RC3H1: variants seen among roughly 807,000 people sequenced by gnomAD.
The protein encoded by RC3H1 is roquin-1.
A neutral mutation model predicts 138.2 loss-of-function variants in RC3H1; 50 were observed. The observed-to-expected ratio is 0.36, with a 90% confidence interval of 0.29 to 0.46. RC3H1 has a LOEUF of 0.46. Ranked by LOEUF, RC3H1 falls within the 20% of genes least tolerant of loss-of-function variation. RC3H1 has a pLI of 1.00. For missense variants in RC3H1, 1,031 were observed against 1,388.1 expected, an observed-to-expected ratio of 0.74 and a Z score of 4.09; for synonymous variants, 462 against 489.1, an observed-to-expected ratio of 0.94 and a Z score of 0.73.
chr1:173,950,266 A>G (rs577454202), intron 14 of RC3H1, among the ~76,000 whole-genome samples: 12 of 152,140 alleles, frequency 7.9e-5, no homozygotes, highest in African/African-American at 2.9e-4. Context: ...ATATAAAACA[A>G]TATTGTTTAG....
In RC3H1 at chr1:173,964,832, G is replaced by A; in HGVS notation, c.1616+7C>T. 1 of 1,602,160 alleles carries A rather than the reference G, an allele frequency of 6.2e-7. No homozygotes were observed. Among genetic ancestry groups the A allele is most frequent in the Non-Finnish European group, 8.5e-7 (1 of 1,172,880 alleles). ...ATTTTGAAATAAGAGTTAGAAAAAT[G>A]ACGTACAGGTCAGGAGGGGATCCAG... On this transcript the variant is annotated splice_region_variant and intron_variant, in intron 10 of 19. Coordinates refer to ENST00000367696, the MANE Select transcript of RC3H1 (RefSeq NM_172071.4).
chr1:173,986,172 C>A (rs923848688), intron 2 of RC3H1, among the ~76,000 whole-genome samples: 1 of 152,072 alleles, frequency 6.6e-6, no homozygotes, highest in Non-Finnish European at 1.5e-5. Flanking sequence ...CAGGAGCAAG[C>A]CACCACACTC....
At chr1:173,965,163 A>C (rs1264257963) in intron 9 of RC3H1, 43 bp from the exon 10 acceptor site, 1 of 1,526,812 alleles carries the variant, frequency 6.5e-7, no homozygotes, top group South Asian at 1.2e-5. Context: ...CAAATATAAA[A>C]GCAAAACCAA....
intron 1 of RC3H1, among the ~76,000 whole-genome samples, chr1:174,010,598 T>C (rs1328088385): frequency 6.6e-6 from 1 of 151,996 alleles, no homozygotes; most frequent in Non-Finnish European, 1.5e-5. Flanking sequence ...ATTTTTTTTA[T>C]AGACGAGGTC....
chr1:173,983,991 T>G (rs745836870), intron 3 of RC3H1, among the ~76,000 whole-genome samples: 16 of 152,170 alleles, frequency 1.1e-4, no homozygotes, highest in Non-Finnish European at 2.2e-4. Context: ...TCCTAAGAGT[T>G]CTGGTATATT....
At chr1:173,962,986 T>C (rs1035756617) in intron 11 of RC3H1, among the ~76,000 whole-genome samples, 4 of 152,238 alleles carry the variant, frequency 2.6e-5, no homozygotes, top group African/African-American at 9.6e-5. Context: ...ACAGCACTTT[T>C]AATCTATTCC....
chr1:174,018,162 C>A (rs561524832), intron 1 of RC3H1, among the ~76,000 whole-genome samples: 1 of 152,196 alleles, frequency 6.6e-6, no homozygotes, highest in South Asian at 2.1e-4. Flanking sequence ...GGGTGACAGA[C>A]CATGAGTGAC....
intron 1 of RC3H1, among the ~76,000 whole-genome samples, chr1:174,004,985 G>A (rs182498421): frequency 6.6e-6 from 1 of 152,232 alleles, no homozygotes; most frequent in Admixed American, 6.5e-5. Context: ...CAGCTTGATG[G>A]ATTTGCTAAC....
At chr1:173,940,313 A>G (rs987546046) in intron 19 of RC3H1, among the ~76,000 whole-genome samples, 2 of 152,116 alleles carry the variant, frequency 1.3e-5, no homozygotes, top group African/African-American at 4.8e-5. Context: ...CTCTACTAAA[A>G]ATACAAAATT....
At chr1:173,952,160 A>C (rs1659431132) in intron 13 of RC3H1, 22 bp from the exon 14 acceptor site, 2 of 1,495,870 alleles carry the variant, frequency 1.3e-6, no homozygotes, top group African/African-American at 1.5e-5. Context: ...GAAAGAAAAA[A>C]AACAAAAAAA....
chr1:173,997,508 C>T (rs1409528376), intron 1 of RC3H1, among the ~76,000 whole-genome samples: 2 of 152,070 alleles, frequency 1.3e-5, no homozygotes, highest in Non-Finnish European at 1.5e-5. Context: ...TGTAACTTAT[C>T]CCTTCAAAGA....
chr1:174,005,480 A>G (rs187937879), intron 1 of RC3H1, among the ~76,000 whole-genome samples: 1 of 152,330 alleles, frequency 6.6e-6, no homozygotes, highest in East Asian at 1.9e-4. Context: ...GTCTTTTGAG[A>G]AAACATATAA....
intron 9 of RC3H1, 54 bp from the exon 10 acceptor site, chr1:173,965,174 G>T (rs1660057185): frequency 3.5e-6 from 5 of 1,430,660 alleles, no homozygotes; most frequent in East Asian, 4.6e-5. Context: ...GCAAAACCAA[G>T]AACTAAAATG....
intron 14 of RC3H1, among the ~76,000 whole-genome samples, chr1:173,947,795 C>G (rs911842087): frequency 1.3e-5 from 2 of 152,048 alleles, no homozygotes; most frequent in Non-Finnish European, 2.9e-5. Flanking sequence ...CAGGCTGGAA[C>G]GTAGGGGCAC....
chr1:173,970,766 C>T (rs1660323062), intron 8 of RC3H1, 149 bp from the exon 9 acceptor site: 1 of 539,288 alleles, frequency 1.9e-6, no homozygotes, highest in African/African-American at 1.9e-5. Flanking sequence ...GAAAGTCATT[C>T]TGTCTGAAGT....
At chr1:173,969,715 T>A (rs1660269836) in intron 9 of RC3H1, among the ~76,000 whole-genome samples, 1 of 150,952 alleles carries the variant, frequency 6.6e-6, no homozygotes, top group South Asian at 2.1e-4. Flanking sequence ...TTTTAAAAAA[T>A]AAAATAAAAT....
intron 1 of RC3H1, among the ~76,000 whole-genome samples, chr1:173,995,490 T>G (rs1348527146): frequency 1.3e-5 from 2 of 148,238 alleles, no homozygotes; most frequent in Admixed American, 1.4e-4. Context: ...GCCAAGATTG[T>G]GCCACTGCAT....
Position 174,006,953 on chromosome 1 carries a change from C to A in RC3H1, c.-150-13818G>T, listed in dbSNP as rs1028348146. 2.6e-5 allele frequency among the ~76,000 whole-genome samples: 4 copies of A among 152,092 alleles called. No homozygotes were observed. The East Asian group carries it at 7.7e-4, about 29-fold the overall frequency. On this transcript the variant is annotated intron_variant, in intron 1 of 19. Transcript: ENST00000367696. ...AACGAATTATCACAAAGTGAGCATA[C>A]CTGCATACTTAAGACATACATTATC...
At chr1:174,010,822 T>C (rs1661737175) in intron 1 of RC3H1, among the ~76,000 whole-genome samples, 1 of 152,190 alleles carries the variant, frequency 6.6e-6, no homozygotes, top group South Asian at 2.1e-4. Flanking sequence ...AAAAGGATGA[T>C]ACACTTGAAC....
Sources: gnomAD v4.1 joint callset for allele counts (sites outside exome capture counted in the v4.1 genomes callset) on GRCh38, gnomAD v4.1.1 for gene constraint, MANE v1.5 for transcripts, NCBI Gene and HGNC (gene_info 2026-07-23, HGNC 2026-07-21) for gene names.